CSGALNACT1: variants seen among roughly 807,000 people sequenced by gnomAD.
CSGALNACT1 encodes the protein chondroitin sulfate N-acetylgalactosaminyltransferase 1.
CSGALNACT1 carries 52 observed loss-of-function variants against 51.0 expected under a neutral mutation model. The observed-to-expected ratio is 1.02, with a 90% CI of 0.82 to 1.29. CSGALNACT1 has a LOEUF of 1.29. Ranked by LOEUF, CSGALNACT1 falls within the 50% of genes most tolerant of loss-of-function variation. CSGALNACT1 has a pLI of 0.00. For synonymous variants in CSGALNACT1, 341 were observed against 254.4 expected (o/e 1.34, Z -3.24); for missense variants, 935 against 679.2 (o/e 1.38, Z -4.19).
chr8:19,530,336 ACACG>A (rs1485667955), intron 3 of CSGALNACT1, among the ~76,000 whole-genome samples: 1 of 151,484 alleles, frequency 6.6e-6, no homozygotes, highest in South Asian at 2.1e-4. Context: ...ACACACACAC[ACACG>A]CACACAAGTA....
chr8:19,682,678 A>C (rs2060710061), upstream of CSGALNACT1: 1 of 454,126 alleles, frequency 2.2e-6, no homozygotes, highest in Non-Finnish European at 4.4e-6. Flanking sequence ...CCATTGACAC[A>C]AGTCTTGGGT....
At chr8:19,457,213 A>AT (rs1244605758) in intron 5 of CSGALNACT1, among the ~76,000 whole-genome samples, 2 of 152,250 alleles carry the variant, frequency 1.3e-5, no homozygotes, top group African/African-American at 4.8e-5. Flanking sequence ...TAAGTGGGTT[A>AT]TCCTTTAAAT....
intron 8 of CSGALNACT1, among the ~76,000 whole-genome samples, chr8:19,415,022 G>A (rs7006702): frequency 6.6e-6 from 1 of 151,916 alleles, no homozygotes; most frequent in Non-Finnish European, 1.5e-5. Context: ...TTCTCCTTTG[G>A]AATTTTTGTC....
At chr8:19,539,577 A>G (rs1304320321) in intron 3 of CSGALNACT1, among the ~76,000 whole-genome samples, 1 of 152,208 alleles carries the variant, frequency 6.6e-6, no homozygotes, top group Non-Finnish European at 1.5e-5. Context: ...AAAAAGAGCC[A>G]AGCAATATAA....
intron 1 of CSGALNACT1, among the ~76,000 whole-genome samples, chr8:19,620,430 C>CTT (rs35123924): frequency 0.039 from 5,505 of 142,090 alleles, 338 homozygotes; most frequent in African/African-American, 0.13. Context: ...GGAAAAGAAT[C>CTT]TTTTTTTTTT....
At chr8:19,728,690 C>A (rs1177065995) in intron 1 of CSGALNACT1, among the ~76,000 whole-genome samples, 6 of 152,152 alleles carry the variant, frequency 3.9e-5, no homozygotes, top group Non-Finnish European at 8.8e-5. Context: ...AATGCAGAGG[C>A]ACGCTGCCTC....
chr8:19,621,911 T>C (rs1005908175), intron 1 of CSGALNACT1, among the ~76,000 whole-genome samples: 8 of 152,266 alleles, frequency 5.3e-5, no homozygotes, highest in Non-Finnish European at 7.3e-5. Context: ...CTATTCACAA[T>C]GTAATGCTAC....
chr8:19,590,640 C>CTTTTTTTTTTTTTT lies in CSGALNACT1; in HGVS notation c.-297+506_-297+519dup, dbSNP rs34859554. On this transcript the variant is annotated intron_variant, in intron 3 of 9. Coordinates refer to ENST00000454498, the Ensembl canonical transcript of CSGALNACT1. ...TACTCATAGCTGGTGGACCTAACTACTTTTTTTTTTTTTTTTTTTTTTTTT... is the reference window on the plus strand; with the variant it reads ...TACTCATAGCTGGTGGACCTAACTACTTTTTTTTTTTTTTTTTTTTTTTTTTTTTTTTTTTTTTT... 1.2e-4 allele frequency among the ~76,000 whole-genome samples: 8 copies of CTTTTTTTTTTTTTT among 68,972 alleles called. 2 individuals are homozygous for CTTTTTTTTTTTTTT. The highest frequency in any genetic ancestry group is 4.4e-4 in the African/African-American group (8 of 18,178). 45.2% of individuals were successfully genotyped at this position (68,972 alleles called of 152,430 possible). A position where few individuals can be genotyped will look rare whatever the true frequency, so the allele number is the denominator to read the frequency against.
At chr8:19,594,145 C>G (rs1016404701) in intron 2 of CSGALNACT1, among the ~76,000 whole-genome samples, 2 of 152,192 alleles carry the variant, frequency 1.3e-5, no homozygotes, top group Non-Finnish European at 1.5e-5. Context: ...AGCAACTACA[C>G]AGGTGAAAGA....
intron 1 of CSGALNACT1, among the ~76,000 whole-genome samples, chr8:19,756,384 G>T (rs1032824678): frequency 6.6e-6 from 1 of 152,172 alleles, no homozygotes; most frequent in African/African-American, 2.4e-5. Context: ...TCACTTATGA[G>T]TATTTCCCGA....
At chr8:19,470,710 G>C (rs1391695063) in intron 4 of CSGALNACT1, among the ~76,000 whole-genome samples, 1 of 152,028 alleles carries the variant, frequency 6.6e-6, no homozygotes, top group East Asian at 1.9e-4. Flanking sequence ...GCCACAGAGA[G>C]GCCACTTCCT....
At chr8:19,457,387 C>G in intron 5 of CSGALNACT1, 1 of 346,524 alleles carries the variant, frequency 2.9e-6, no homozygotes. Flanking sequence ...CCGAGGTGAG[C>G]AGATCACCTG....
At chr8:19,644,479 G>A (rs1218183214) in intron 1 of CSGALNACT1, among the ~76,000 whole-genome samples, 4 of 150,768 alleles carry the variant, frequency 2.7e-5, no homozygotes, top group African/African-American at 9.7e-5. Context: ...GGAGGCTGAG[G>A]TGGGTGAATC....
At chr8:19,564,165 G>A (rs2041415514) in intron 3 of CSGALNACT1, among the ~76,000 whole-genome samples, 1 of 152,136 alleles carries the variant, frequency 6.6e-6, no homozygotes, top group Admixed American at 6.5e-5. Context: ...TTTAAAAGAG[G>A]AAACCAGGTC....
intron 1 of CSGALNACT1, among the ~76,000 whole-genome samples, chr8:19,713,976 C>T (rs1412324524): frequency 6.6e-6 from 1 of 152,196 alleles, no homozygotes. Context: ...CTGTGTCCTA[C>T]TTTACTCAAT....
At position 19,405,997 on chromosome 8, in the gene CSGALNACT1, T is replaced by C. The variant is rs1246502018; in HGVS notation, c.1382A>G (p.Asn461Ser). The C allele has an allele frequency of 1.9e-6, 3 of 1,613,892 alleles. No homozygotes were observed. The highest frequency in any genetic ancestry group is 4.5e-5 in the East Asian group (2 of 44,876). The stretch of plus-strand genomic sequence containing the variant: ...CACAGGCGTCCGTACCACTATGAGG[T>C]TGCTGTGGAGATACTTGCGATAAAG... The change falls in exon 10 of 10, where the codon AAC becomes AGC. Residue 461 changes from asparagine to serine, a missense_variant. Physicochemically the swap from Asn to Ser is conservative, Grantham distance 46. Coordinates refer to ENST00000454498, the Ensembl canonical transcript of CSGALNACT1.
At chr8:19,556,077 A>G (rs1338097486) in intron 3 of CSGALNACT1, among the ~76,000 whole-genome samples, 1 of 152,184 alleles carries the variant, frequency 6.6e-6, no homozygotes. Context: ...TTAACAAACA[A>G]CATAAAAAGG....
intron 1 of CSGALNACT1, among the ~76,000 whole-genome samples, chr8:19,669,347 G>A (rs1387719930): frequency 6.6e-6 from 1 of 152,108 alleles, no homozygotes; most frequent in African/African-American, 2.4e-5. Context: ...ATTTCATCCC[G>A]AGATGGAGGA....
intron 1 of CSGALNACT1, among the ~76,000 whole-genome samples, chr8:19,711,015 C>G (rs561660087): frequency 1.6e-4 from 25 of 152,050 alleles, no homozygotes; most frequent in Non-Finnish European, 3.5e-4. Context: ...GTTCATTGCC[C>G]CACCCACCCC....
Sources: gnomAD v4.1 joint callset for allele counts (sites outside exome capture counted in the v4.1 genomes callset) on GRCh38, gnomAD v4.1.1 for gene constraint, MANE v1.5 for transcripts, NCBI Gene and HGNC (gene_info 2026-07-23, HGNC 2026-07-21) for gene names.